Variants in VEGFC observed in about 807,000 individuals in gnomAD.
VEGFC encodes vascular endothelial growth factor C, also known as FLT4 ligand DHM.
In VEGFC, 12 loss-of-function variants were observed where a neutral mutation model predicts 46.1. The observed-to-expected ratio is 0.26, with a 90% CI of 0.17 to 0.42. The LOEUF (loss-of-function observed/expected upper bound fraction) is 0.42, where lower values mean the gene tolerates loss of function less well. Among genes scored for constraint, VEGFC ranks in the 10% least tolerant of loss-of-function variants. The probability of loss-of-function intolerance (pLI) is 1.00; values close to 1 mark genes in which losing one functional copy is unlikely to be tolerated. For synonymous variants in VEGFC, 232 were observed against 195.5 expected, an observed-to-expected ratio of 1.19 and a Z score of -1.56; for missense variants, 488 against 529.4, an observed-to-expected ratio of 0.92 and a Z score of 0.77.
chr4:176,758,547 C>T (rs578083000), intron 1 of VEGFC, among the ~76,000 whole-genome samples: 1 of 152,238 alleles, frequency 6.6e-6, no homozygotes, highest in African/African-American at 2.4e-5. Flanking sequence ...ATGTGGTTAT[C>T]AATCTCGATT....
chr4:176,717,491 A>G (rs1282765982), intron 3 of VEGFC, among the ~76,000 whole-genome samples: 1 of 152,188 alleles, frequency 6.6e-6, no homozygotes, highest in African/African-American at 2.4e-5. Context: ...CAACGGCTAT[A>G]AAGCAACAAT....
intron 1 of VEGFC, among the ~76,000 whole-genome samples, chr4:176,757,243 C>G (rs188847662): frequency 6.6e-6 from 1 of 151,776 alleles, no homozygotes; most frequent in African/African-American, 2.4e-5. Context: ...ATGTTAGGGG[C>G]CATAAAGGAA....
chr4:176,686,493 G>A (rs1170632116), intron 6 of VEGFC, among the ~76,000 whole-genome samples: 1 of 152,140 alleles, frequency 6.6e-6, no homozygotes, highest in Admixed American at 6.5e-5. Flanking sequence ...AGTTACAGAA[G>A]AAAGAAGGAA....
chr4:176,786,017 A>G (rs946581488), intron 1 of VEGFC, among the ~76,000 whole-genome samples: 1 of 152,114 alleles, frequency 6.6e-6, no homozygotes, highest in Non-Finnish European at 1.5e-5. Flanking sequence ...AGCAATCAGG[A>G]GCATATAGAG....
chr4:176,757,231 G>A (rs1316711705), intron 1 of VEGFC, among the ~76,000 whole-genome samples: 2 of 151,930 alleles, frequency 1.3e-5, no homozygotes, highest in African/African-American at 2.4e-5. Context: ...ACTAAACAGT[G>A]AATGTTAGGG....
chr4:176,693,557 G>A (rs1162044018), intron 4 of VEGFC, among the ~76,000 whole-genome samples: 2 of 143,306 alleles, frequency 1.4e-5, no homozygotes, highest in African/African-American at 5.7e-5. Context: ...CACTCTGCAG[G>A]ATATTATCCA....
intron 4 of VEGFC, among the ~76,000 whole-genome samples, chr4:176,704,491 T>C (rs963413470): frequency 1.2e-4 from 18 of 152,182 alleles, no homozygotes; most frequent in Non-Finnish European, 2.5e-4. Context: ...TCTCCCACTT[T>C]ACCATCCCCC....
At chr4:176,761,414 C>T (rs1334636622) in intron 1 of VEGFC, among the ~76,000 whole-genome samples, 2 of 152,068 alleles carry the variant, frequency 1.3e-5, no homozygotes, top group Non-Finnish European at 2.9e-5. Flanking sequence ...TTTATAGATG[C>T]TCCCTAAATA....
intron 1 of VEGFC, among the ~76,000 whole-genome samples, chr4:176,780,367 G>A (rs1735891202): frequency 5.4e-5 from 1 of 18,582 alleles, no homozygotes; most frequent in Non-Finnish European, 4.0e-4. Flanking sequence ...GGGCGACAGA[G>A]CGAGACTCCA....
At chr4:176,733,890 T>G (rs1000089500) in intron 1 of VEGFC, among the ~76,000 whole-genome samples, 1 of 151,926 alleles carries the variant, frequency 6.6e-6, no homozygotes, top group African/African-American at 2.4e-5. Context: ...CCTAATGCTC[T>G]TGATTTCTCA....
intron 1 of VEGFC, among the ~76,000 whole-genome samples, chr4:176,731,924 T>C (rs1734971470): frequency 6.6e-6 from 1 of 151,752 alleles, no homozygotes; most frequent in African/African-American, 2.4e-5. Flanking sequence ...TGTTCCTCAA[T>C]AGATCAGCTG....
chr4:176,709,530 T>A (rs542475390), intron 4 of VEGFC, among the ~76,000 whole-genome samples: 1 of 152,228 alleles, frequency 6.6e-6, no homozygotes, highest in South Asian at 2.1e-4. Context: ...GAGAAAGACC[T>A]TTACCTGAAC....
Position 176,683,907 on chromosome 4 carries a change from A to G in VEGFC, c.*19T>C. On this transcript the variant is annotated 3_prime_UTR_variant, in exon 7 of 7. Coordinates refer to ENST00000618562, the MANE Select transcript of VEGFC (RefSeq NM_005429.5). ...GTTTTCCATAATAGAAAATCGATGA[A>G]CTGGAAAACAGTACAATCTTAGCTC... is the stretch of plus-strand genomic sequence containing the variant. The G allele has an allele frequency of 6.3e-7, 1 of 1,589,340 alleles. No individual in the cohort carries two copies. Among genetic ancestry groups the G allele is most frequent in the Non-Finnish European group, 8.6e-7 (1 of 1,157,454 alleles).
Position 176,687,517 on chromosome 4 carries a change from G to A in VEGFC, c.815C>T (p.Ser272Leu). The A allele has an allele frequency of 6.3e-7, 1 of 1,587,092 alleles. No homozygotes were observed. The highest frequency in any genetic ancestry group is 8.6e-7 in the Non-Finnish European group (1 of 1,167,468). ...ACAGATGTCATGGAATCCATCTGTT[G>A]AGTCTAGACAAATAGTCAGAGAATC... ...FMFSSDAGDD[S>L]TDGFHDICGP... The change falls in exon 6 of 7, where the codon TCA becomes TTA. Residue 272 changes from serine (S) to leucine (L), a missense_variant. By Grantham distance (145) the Ser-to-Leu change is moderately radical. Transcript: ENST00000618562.
At chr4:176,740,107 CTATA>C (rs540328998) in intron 1 of VEGFC, among the ~76,000 whole-genome samples, 1 of 115,976 alleles carries the variant, frequency 8.6e-6, no homozygotes, top group African/African-American at 3.3e-5. Flanking sequence ...TACATATATT[CTATA>C]TATATATTCT....
At chr4:176,694,090 G>A (rs1290093775) in intron 4 of VEGFC, among the ~76,000 whole-genome samples, 1 of 150,862 alleles carries the variant, frequency 6.6e-6, no homozygotes, top group Non-Finnish European at 1.5e-5. Flanking sequence ...AAAATAACCA[G>A]CTAACATCAT....
intron 1 of VEGFC, among the ~76,000 whole-genome samples, chr4:176,791,362 A>C (rs1736087952): frequency 6.6e-6 from 1 of 152,210 alleles, no homozygotes; most frequent in Non-Finnish European, 1.5e-5. Context: ...GCCAGTAAGA[A>C]GTAGGAACAC....
At chr4:176,746,728 C>T (rs1735263279) in intron 1 of VEGFC, among the ~76,000 whole-genome samples, 1 of 152,108 alleles carries the variant, frequency 6.6e-6, no homozygotes, top group East Asian at 1.9e-4. Context: ...AGTAAAGCAA[C>T]CAAGAGAAAG....
Position 176,737,381 on chromosome 4 carries a change from C to T in VEGFC, c.148-7635G>A, listed in dbSNP as rs568922729. ...TAAATATAGCATATTTTCCAACAAACGTTATAATATAATCTCTTTTTAACA... is the reference window on the plus strand; with the variant it reads ...TAAATATAGCATATTTTCCAACAAATGTTATAATATAATCTCTTTTTAACA... On this transcript the variant is annotated intron_variant, in intron 1 of 6. Transcript: ENST00000618562. 1.5e-4 allele frequency among the ~76,000 whole-genome samples: 21 copies of T among 143,134 alleles called. No homozygotes were observed. In the South Asian group the frequency reaches 3.3e-3, roughly 23 times the overall value. The allele number at this position is 143,134 out of a possible 152,430, so 93.9% of individuals were successfully genotyped here.
Sources: allele counts gnomAD v4.1 joint callset (sites outside exome capture counted in the v4.1 genomes callset), GRCh38; gene constraint gnomAD v4.1.1; transcripts MANE v1.5; gene names NCBI Gene and HGNC (gene_info 2026-07-23, HGNC 2026-07-21).